The following SYT16 variants were observed in gnomAD, a reference collection of about 807,000 sequenced individuals.
SYT16 encodes synaptotagmin-16.
A neutral mutation model predicts 61.4 loss-of-function variants in SYT16; 42 were observed. The ratio of observed to expected loss-of-function variants is 0.68; its 90% CI spans 0.53 to 0.89. SYT16 has a LOEUF of 0.89. SYT16 is among the 40% of genes least tolerant of loss of function. The probability of loss-of-function intolerance (pLI) is 0.00; values close to 1 mark genes in which losing one functional copy is unlikely to be tolerated. For synonymous variants in SYT16, 314 were observed against 302.3 expected, an observed-to-expected ratio of 1.04 and a Z score of -0.40; for missense variants, 804 against 807.3, an observed-to-expected ratio of 1.00 and a Z score of 0.05.
chr14:61,922,125 G>A lies in SYT16; in HGVS notation c.-324-48007G>A, dbSNP rs547788548. Among the ~76,000 whole-genome samples, 3 of 152,304 alleles carry A rather than the reference G, an allele frequency of 2.0e-5. No individual in the cohort carries two copies. The South Asian group carries it at 6.2e-4, about 32-fold the overall frequency. Reference sequence around the variant, plus strand: ...AGAAATGCTTTATAAGCAGCGTGGTGATTCCTCAAAGAGCTAGACACAGAG... The same window carrying A: ...AGAAATGCTTTATAAGCAGCGTGGTAATTCCTCAAAGAGCTAGACACAGAG... On this transcript the variant is annotated intron_variant, in intron 1 of 7. Transcript: ENST00000683842.
chr14:62,071,823 A>T (rs1038893405), intron 4 of SYT16, among the ~76,000 whole-genome samples: 7 of 152,198 alleles, frequency 4.6e-5, no homozygotes, highest in Non-Finnish European at 1.0e-4. Flanking sequence ...AAAGTGCTGG[A>T]CAGTGAAATT....
rs953330961 is a variant in SYT16 at position 61,862,488 on chromosome 14, TA to T, written c.-325+49679del. ...AAGTAGACATATTTTAGAGTAGTTT[TA>T]GGTTCACACTAAAATTGAAGGGGAG... On this transcript the variant is annotated intron_variant, in intron 1 of 7. Transcript: ENST00000683842. 1.0e-3 allele frequency among the ~76,000 whole-genome samples: 152 copies of T among 152,342 alleles called. 1 individual carries two copies. Among genetic ancestry groups the T allele is most frequent in the Non-Finnish European group, 1.7e-3 (115 of 68,034 alleles).
intron 3 of SYT16, among the ~76,000 whole-genome samples, chr14:62,008,648 G>A: frequency 1.2e-5 from 1 of 84,840 alleles, no homozygotes; most frequent in Non-Finnish European, 2.4e-5. Flanking sequence ...TTTTTTTTTT[G>A]CTGCAAGCAT....
chr14:61,988,599 T>C (rs539954126), intron 2 of SYT16, among the ~76,000 whole-genome samples: 64 of 152,352 alleles, frequency 4.2e-4, no homozygotes, highest in African/African-American at 1.4e-3. Context: ...CCAGAGCTAT[T>C]TGTTGGGTAG....
intron 1 of SYT16, among the ~76,000 whole-genome samples, chr14:61,900,254 G>T (rs1434121435): frequency 1.3e-5 from 2 of 151,108 alleles, no homozygotes; most frequent in Admixed American, 6.6e-5. Context: ...TGCCTCCCAG[G>T]TTCAAGTGAT....
intron 1 of SYT16, among the ~76,000 whole-genome samples, chr14:61,895,280 C>G (rs1307706983): frequency 6.6e-6 from 1 of 152,076 alleles, no homozygotes; most frequent in Non-Finnish European, 1.5e-5. Context: ...AAAGTTCTTC[C>G]TCTAATGCTG....
chr14:62,069,341 A>G (rs879729224), intron 3 of SYT16, among the ~76,000 whole-genome samples: 1 of 152,208 alleles, frequency 6.6e-6, no homozygotes, highest in Non-Finnish European at 1.5e-5. Flanking sequence ...ATGAGGGTTC[A>G]TTATGATGAT....
intron 1 of SYT16, among the ~76,000 whole-genome samples, chr14:61,818,150 A>G (rs1259354819): frequency 6.6e-6 from 1 of 152,216 alleles, no homozygotes; most frequent in African/African-American, 2.4e-5. Context: ...AATTTCATAT[A>G]CACAAGAAGA....
chr14:61,885,174 G>A (rs992366979), intron 1 of SYT16, among the ~76,000 whole-genome samples: 4 of 152,184 alleles, frequency 2.6e-5, no homozygotes, highest in African/African-American at 7.2e-5. Flanking sequence ...AGGTAGTGGA[G>A]TAGAGAGTAA....
At chr14:61,955,561 T>A (rs779976055) in intron 1 of SYT16, among the ~76,000 whole-genome samples, 2 of 149,792 alleles carry the variant, frequency 1.3e-5, no homozygotes, top group Non-Finnish European at 2.9e-5. Context: ...TCTCTGTGTG[T>A]CTTATTTTAC....
intron 7 of SYT16, among the ~76,000 whole-genome samples, chr14:62,094,559 G>T (rs2057200786): frequency 6.6e-6 from 1 of 152,008 alleles, no homozygotes. Flanking sequence ...TCTGATATTA[G>T]TTTATTCATT....
chr14:61,948,080 G>C (rs1292873616), intron 1 of SYT16, among the ~76,000 whole-genome samples: 1 of 152,140 alleles, frequency 6.6e-6, no homozygotes, highest in Non-Finnish European at 1.5e-5. Context: ...TTTAGAAAGA[G>C]TCTTGAATGT....
chr14:62,104,177 T>C lies in SYT16; in HGVS notation c.*3470T>C, dbSNP rs1242255668. 2 of 152,196 alleles carry C rather than the reference T, an allele frequency of 1.3e-5. No individual in the cohort carries two copies. Among genetic ancestry groups the C allele is most frequent in the African/African-American group, 2.4e-5 (1 of 41,464 alleles). The allele number at this position is 152,196 out of a possible 1,614,324, so 9.4% of individuals were successfully genotyped here. A position where few individuals can be genotyped will look rare whatever the true frequency, so the allele number is the denominator to read the frequency against. On this transcript the variant is annotated 3_prime_UTR_variant, in exon 8 of 8. Coordinates refer to ENST00000683842, the MANE Select transcript of SYT16 (RefSeq NM_001367656.1). ...GATTCGGTGTGGACACCACTGTGGG[T>C]TTCCAAAAAAACTGGTTATCCTTTT...
intron 1 of SYT16, among the ~76,000 whole-genome samples, chr14:61,892,689 G>T (rs576717502): frequency 5.9e-5 from 9 of 152,284 alleles, no homozygotes; most frequent in African/African-American, 1.2e-4. Flanking sequence ...GAACCGATGG[G>T]GGGTGGTGAC....
chr14:61,915,310 AT>A (rs879612856), intron 1 of SYT16, among the ~76,000 whole-genome samples: 9 of 151,996 alleles, frequency 5.9e-5, no homozygotes, highest in African/African-American at 9.7e-5. Flanking sequence ...AGAAGATTGA[AT>A]TTTTTTTAAA....
chr14:61,961,507 G>C (rs578062066), intron 1 of SYT16, among the ~76,000 whole-genome samples: 2 of 152,180 alleles, frequency 1.3e-5, no homozygotes, highest in Non-Finnish European at 2.9e-5. Flanking sequence ...CAACAAGTAA[G>C]TGAAAAAATG....
intron 1 of SYT16, among the ~76,000 whole-genome samples, chr14:61,958,731 G>A (rs370035325): frequency 6.6e-5 from 10 of 152,186 alleles, no homozygotes; most frequent in South Asian, 2.1e-4. Context: ...CTCTGCTGCT[G>A]TTGGGTGGAA....
chr14:62,008,129 G>A (rs1595140062), intron 3 of SYT16, among the ~76,000 whole-genome samples: 1 of 152,034 alleles, frequency 6.6e-6, no homozygotes, highest in East Asian at 1.9e-4. Context: ...ATAAAAATAT[G>A]GAGATATTAT....
At chr14:61,826,499 A>G (rs2045776109) in intron 1 of SYT16, among the ~76,000 whole-genome samples, 1 of 151,990 alleles carries the variant, frequency 6.6e-6, no homozygotes, top group South Asian at 2.1e-4. Context: ...CTCTCCCTGA[A>G]AGTGCTCCTG....
Sources: allele counts gnomAD v4.1 joint callset (sites outside exome capture counted in the v4.1 genomes callset), GRCh38; gene constraint gnomAD v4.1.1; transcripts MANE v1.5; gene names NCBI Gene and HGNC (gene_info 2026-07-23, HGNC 2026-07-21).